The following C8orf76 variants were observed in gnomAD, a reference collection of about 807,000 sequenced individuals.
C8orf76 encodes the protein chromosome 8 open reading frame 76, also known as uncharacterized protein C8orf76.
Under a neutral mutation model 38.1 loss-of-function variants are expected in C8orf76, and 46 were observed. That is an observed-to-expected ratio of 1.21 (90% CI 0.95 to 1.54). The LOEUF (loss-of-function observed/expected upper bound fraction) is 1.54, where lower values mean the gene tolerates loss of function less well. Ranked by LOEUF, C8orf76 falls within the 40% of genes most tolerant of loss-of-function variation. C8orf76 has a pLI of 0.00. For missense variants in C8orf76, 461 were observed against 441.6 expected (o/e 1.04, Z -0.39); for synonymous variants, 166 against 167.5 (o/e 0.99, Z 0.07).
rs911553382 is a variant in C8orf76 at position 123,237,017 on chromosome 8, C to A, written c.357+781G>T. The A allele has an allele frequency of 4.0e-6, 6 of 1,491,866 alleles. No individual in the cohort carries two copies. In the Admixed American group the frequency reaches 1.0e-4, roughly 25 times the overall value. The allele number at this position is 1,491,866 out of a possible 1,614,324, so 92.4% of individuals were successfully genotyped here. On this transcript the variant is annotated intron_variant, in intron 3 of 5. Transcript: ENST00000276704. Reference sequence around the variant, plus strand: ...CCGCACTCTCTCAGACTACAACATCCAGAAGGAGTCCACCCTGCACCTGGT... The same window carrying A: ...CCGCACTCTCTCAGACTACAACATCAAGAAGGAGTCCACCCTGCACCTGGT...
Position 123,231,348 on chromosome 8 carries a change from ACT to A in C8orf76, c.765_766del (p.Leu257AspfsTer41). The A allele has an allele frequency of 6.2e-7, 1 of 1,613,822 alleles. No homozygotes were observed. The highest frequency in any genetic ancestry group is 8.5e-7 in the Non-Finnish European group (1 of 1,179,966). ...TGCTTTCAGCTGAGTCTCTATCAAC[ACT>A]GTTTCTCTCTTTTCTGCCATACAGT... is the stretch of plus-strand genomic sequence containing the variant. On this transcript the variant is annotated frameshift_variant, in exon 4 of 6. Coordinates refer to ENST00000276704, the MANE Select transcript of C8orf76 (RefSeq NM_032847.3). LOFTEE classifies it high-confidence loss of function.
intron 4 of C8orf76, among the ~76,000 whole-genome samples, chr8:123,229,400 T>TA (rs1319496858): frequency 6.6e-6 from 1 of 152,170 alleles, no homozygotes; most frequent in African/African-American, 2.4e-5. Flanking sequence ...ACAAAGCATC[T>TA]AGCACTCAGT....
intron 5 of C8orf76, among the ~76,000 whole-genome samples, chr8:123,222,040 G>A (rs545430564): frequency 1.6e-4 from 24 of 152,318 alleles, no homozygotes; most frequent in South Asian, 6.2e-4. Context: ...CCAGACTGGA[G>A]TGCAGTGGTG....
chr8:123,232,722 G>A (rs760464196), intron 3 of C8orf76, among the ~76,000 whole-genome samples: 2 of 152,166 alleles, frequency 1.3e-5, no homozygotes, highest in African/African-American at 2.4e-5. Flanking sequence ...AGCCCCATAC[G>A]ACTGATTTGC....
At chr8:123,224,777 G>A (rs962271369) in intron 5 of C8orf76, among the ~76,000 whole-genome samples, 14 of 152,174 alleles carry the variant, frequency 9.2e-5, no homozygotes, top group African/African-American at 3.4e-4. Context: ...CGAGCATGGT[G>A]AAGAATACAA....
At chr8:123,234,802 C>CA (rs985217082) in intron 3 of C8orf76, among the ~76,000 whole-genome samples, 23 of 144,604 alleles carry the variant, frequency 1.6e-4, no homozygotes, top group South Asian at 6.7e-4. Context: ...AACAAAAAAA[C>CA]AAAAAAAAAT....
At chr8:123,230,408 T>A (rs76993336) in intron 4 of C8orf76, among the ~76,000 whole-genome samples, 2,690 of 152,356 alleles carry the variant, frequency 0.018, 90 homozygotes, top group African/African-American at 0.062. Context: ...TCTCCCTTTT[T>A]CAGTGTTTTA....
intron 4 of C8orf76, among the ~76,000 whole-genome samples, chr8:123,230,378 T>G (rs1825207998): frequency 6.6e-6 from 1 of 152,356 alleles, no homozygotes; most frequent in South Asian, 2.1e-4. Context: ...AACAGAAAAT[T>G]CCTTCTTTAA....
At chr8:123,222,907 T>A (rs1824927723) in intron 5 of C8orf76, among the ~76,000 whole-genome samples, 1 of 152,206 alleles carries the variant, frequency 6.6e-6, no homozygotes, top group African/African-American at 2.4e-5. Context: ...GATATATAAA[T>A]TGAACTAACC....
intron 5 of C8orf76, among the ~76,000 whole-genome samples, chr8:123,224,857 T>A (rs1369811601): frequency 1.3e-5 from 2 of 152,208 alleles, no homozygotes; most frequent in Non-Finnish European, 2.9e-5. Context: ...TACATTCTTA[T>A]GTCTTCTTAG....
intron 5 of C8orf76, 22 bp downstream of exon 5, chr8:123,226,478 T>C (rs1328433361): frequency 6.2e-7 from 1 of 1,604,980 alleles, no homozygotes; most frequent in South Asian, 1.1e-5. Context: ...TCGTTTCACA[T>C]AAACCCGAGG....
intron 4 of C8orf76, among the ~76,000 whole-genome samples, chr8:123,228,382 A>G (rs1825122980): frequency 6.6e-6 from 1 of 152,164 alleles, no homozygotes; most frequent in Non-Finnish European, 1.5e-5. Flanking sequence ...GCACTTTGGG[A>G]GGCCGAGGCC....
At chr8:123,236,009 C>A (rs1825461687) in intron 3 of C8orf76, among the ~76,000 whole-genome samples, 1 of 152,114 alleles carries the variant, frequency 6.6e-6, no homozygotes, top group Non-Finnish European at 1.5e-5. Context: ...CTTAGGAAGT[C>A]GATTTATCTA....
In C8orf76 at chr8:123,237,897, T is replaced by C. The variant is rs762596169; in HGVS notation, c.258A>G (p.Ser86=). Residue 86 remains serine (S), a synonymous_variant, in exon 3 of 6, where the codon TCA becomes TCG. Coordinates refer to ENST00000276704, the MANE Select transcript of C8orf76 (RefSeq NM_032847.3). ...CATCCCTTTTCATGGCAAAATTGGT[T>C]GATGACAATTTTTCAGAGATACTGG... ...EYSSISEKLS[S]TNFAMKRDVQ... The C allele has an allele frequency of 6.2e-7, 1 of 1,614,068 alleles. No individual in the cohort carries two copies. Among genetic ancestry groups the C allele is most frequent in the Non-Finnish European group, 8.5e-7 (1 of 1,179,994 alleles).
At position 123,231,381 on chromosome 8, in the gene C8orf76, A is replaced by G. The variant is rs376195153; in HGVS notation, c.734T>C (p.Ile245Thr). The G allele has an allele frequency of 3.1e-6, 5 of 1,614,048 alleles. No individual in the cohort carries two copies. Among genetic ancestry groups the G allele is most frequent in the South Asian group, 2.2e-5 (2 of 91,090 alleles). ...SQKNEKALTN[I>T]QNCMAEKRET... is the part of the protein sequence containing the mutation. The stretch of plus-strand genomic sequence containing the variant: ...TCTCTTTTCTGCCATACAGTTTTGG[A>G]TATTTGTCAGAGCTTTCTCATTTTT... The change falls in exon 4 of 6, where the codon ATC becomes ACC. Residue 245 changes from isoleucine to threonine, a missense_variant. Physicochemically the swap from Ile to Thr is moderately conservative, Grantham distance 89 (BLOSUM62 -1). Transcript: ENST00000276704.
chr8:123,228,568 G>A (rs140717412), intron 4 of C8orf76, among the ~76,000 whole-genome samples: 1,563 of 151,788 alleles, frequency 0.01, 34 homozygotes, highest in African/African-American at 0.036. Context: ...GCGGTGAGCC[G>A]AGATCGCGCC....
intron 3 of C8orf76, among the ~76,000 whole-genome samples, chr8:123,232,408 C>A (rs150151878): frequency 2.0e-5 from 3 of 152,214 alleles, no homozygotes; most frequent in Middle Eastern, 3.2e-3. Flanking sequence ...TAACCAGCGC[C>A]AACATCTCTT....
At chr8:123,240,867 G>A (rs1461722369) in intron 1 of C8orf76, among the ~76,000 whole-genome samples, 1 of 152,212 alleles carries the variant, frequency 6.6e-6, no homozygotes, top group Non-Finnish European at 1.5e-5. Flanking sequence ...GGGAGAGTGG[G>A]TTTGCCGGAG....
chr8:123,234,748 G>A (rs879614517), intron 3 of C8orf76, among the ~76,000 whole-genome samples: 32 of 142,092 alleles, frequency 2.3e-4, no homozygotes, highest in African/African-American at 3.2e-4. Context: ...CAGCCTGGGC[G>A]ACAGTGCGAG....
Sources: gnomAD v4.1 joint callset for allele counts (sites outside exome capture counted in the v4.1 genomes callset) on GRCh38, gnomAD v4.1.1 for gene constraint, MANE v1.5 for transcripts, NCBI Gene and HGNC (gene_info 2026-07-23, HGNC 2026-07-21) for gene names.